Variants in RBFOX1 observed in about 807,000 individuals in gnomAD.
RBFOX1 encodes the protein RNA binding fox-1 homolog 1.
In RBFOX1, 8 loss-of-function variants were observed where a neutral mutation model predicts 57.7. The ratio of observed to expected loss-of-function variants is 0.14; its 90% CI spans 0.08 to 0.25. The LOEUF (loss-of-function observed/expected upper bound fraction) is 0.25. Ranked by LOEUF, RBFOX1 falls within the 10% of genes least tolerant of loss-of-function variation. The pLI is 1.00. For synonymous variants in RBFOX1, 326 were observed against 222.4 expected (o/e 1.47, Z -4.15); for missense variants, 611 against 548.5 (o/e 1.11, Z -1.14).
At chr16:7,105,193 C>G (rs1302534971) in intron 4 of RBFOX1, among the ~76,000 whole-genome samples, 1 of 151,926 alleles carries the variant, frequency 6.6e-6, no homozygotes, top group Admixed American at 6.6e-5. Context: ...GTCACATTGG[C>G]TTGGCAGTAG....
intron 3 of RBFOX1, among the ~76,000 whole-genome samples, chr16:6,904,128 C>A (rs180841263): frequency 1.3e-5 from 2 of 152,160 alleles, no homozygotes; most frequent in Non-Finnish European, 2.9e-5. Flanking sequence ...TAGTGCAGTT[C>A]GTTCTCAGAT....
chr16:6,425,089 C>T (rs1020882843), intron 2 of RBFOX1, among the ~76,000 whole-genome samples: 4 of 152,106 alleles, frequency 2.6e-5, no homozygotes, highest in Non-Finnish European at 5.9e-5. Flanking sequence ...ATTTATTTGA[C>T]TTTAATAATA....
At chr16:7,020,738 G>T (rs980704440) in intron 3 of RBFOX1, among the ~76,000 whole-genome samples, 1 of 152,076 alleles carries the variant, frequency 6.6e-6, no homozygotes, top group African/African-American at 2.4e-5. Flanking sequence ...CCTTCCCTCT[G>T]AGAACCATGA....
Position 6,451,967 on chromosome 16 carries a change from CT to C in RBFOX1, c.-64+134912del, listed in dbSNP as rs576942413. On this transcript the variant is annotated intron_variant, in intron 2 of 15. Coordinates refer to ENST00000550418, the MANE Select transcript of RBFOX1 (RefSeq NM_018723.4). ...TCCCATGAGTCCACCCATGGCTCTC[CT>C]TCCTTCCATGACTCTATCCATGGTT... Among the ~76,000 whole-genome samples the C allele has an allele frequency of 6.8e-3, 1,023 of 149,446 alleles. 7 individuals are homozygous for C. Among genetic ancestry groups the C allele is most frequent in the Non-Finnish European group, 0.011 (718 of 67,274 alleles).
intron 3 of RBFOX1, among the ~76,000 whole-genome samples, chr16:6,760,866 A>G (rs1247077121): frequency 1.3e-5 from 2 of 152,130 alleles, no homozygotes; most frequent in African/African-American, 2.4e-5. Context: ...CCTCTGGTCA[A>G]TGCCACCCAC....
In RBFOX1 at chr16:7,181,240, C is replaced by G. The variant is rs186617249; in HGVS notation, c.27+129142C>G. Among the ~76,000 whole-genome samples, 400 of 152,122 alleles carry G rather than the reference C, an allele frequency of 2.6e-3. 3 individuals carry two copies. The highest frequency in any genetic ancestry group is 6.8e-3 in the Middle Eastern group (2 of 294). On this transcript the variant is annotated intron_variant, in intron 4 of 15. Transcript: ENST00000550418. ...GTTAAATAGGGAAACTGCTATGCCC[C>G]GATGAGCATGGTCATGAGAACTGAA... is the stretch of plus-strand genomic sequence containing the variant.
chr16:5,850,157 T>A (rs1296541500), intron 3 of RBFOX1, among the ~76,000 whole-genome samples: 1 of 152,136 alleles, frequency 6.6e-6, no homozygotes, highest in East Asian at 1.9e-4. Flanking sequence ...AACTTCCAAT[T>A]AACTGGTTAA....
chr16:7,340,961 G>A (rs1178479126), intron 4 of RBFOX1, among the ~76,000 whole-genome samples: 1 of 152,168 alleles, frequency 6.6e-6, no homozygotes, highest in Non-Finnish European at 1.5e-5. Flanking sequence ...GGCAGGGAGG[G>A]TTGGAAGACC....
At chr16:7,252,848 C>G (rs993657038) in intron 4 of RBFOX1, among the ~76,000 whole-genome samples, 15 of 152,074 alleles carry the variant, frequency 9.9e-5, no homozygotes, top group Admixed American at 7.2e-4. Flanking sequence ...AAATTCAGAC[C>G]AAGTGATCTT....
chr16:6,611,937 G>T lies in RBFOX1; in HGVS notation c.-63-42666G>T, dbSNP rs529807585. Among the ~76,000 whole-genome samples, 228 of 152,212 alleles carry T rather than the reference G, an allele frequency of 1.5e-3. 1 individual carries two copies. Among genetic ancestry groups the T allele is most frequent in the African/African-American group, 5.2e-3 (216 of 41,546 alleles). On this transcript the variant is annotated intron_variant, in intron 2 of 15. Transcript: ENST00000550418. ...GGTTGCAAGGGTTTTGGTAGCTTCT[G>T]CAGTCACCTCTTCCTCAATTCTGTT...
At chr16:5,565,252 A>T (rs1016807026) in intron 2 of RBFOX1, among the ~76,000 whole-genome samples, 58 of 151,598 alleles carry the variant, frequency 3.8e-4, no homozygotes, top group Admixed American at 4.6e-4. Context: ...TCAGAAGGAA[A>T]ACTGGTGTGT....
At chr16:6,973,570 C>G (rs957022797) in intron 3 of RBFOX1, among the ~76,000 whole-genome samples, 2 of 152,130 alleles carry the variant, frequency 1.3e-5, no homozygotes, top group African/African-American at 4.8e-5. Context: ...TTATTTCTTT[C>G]TTCCCGAGGG....
chr16:7,161,752 T>A (rs2078370433), intron 4 of RBFOX1, among the ~76,000 whole-genome samples: 1 of 152,178 alleles, frequency 6.6e-6, no homozygotes, highest in Non-Finnish European at 1.5e-5. Flanking sequence ...TTCTAGAATC[T>A]TGCAAGAATA....
chr16:5,945,743 T>C (rs2059388695), intron 4 of RBFOX1, among the ~76,000 whole-genome samples: 1 of 152,222 alleles, frequency 6.6e-6, no homozygotes, highest in African/African-American at 2.4e-5. Context: ...TCACCACCCC[T>C]GACTTTGCCA....
chr16:6,870,016 C>G (rs966421054), intron 3 of RBFOX1, among the ~76,000 whole-genome samples: 3 of 152,120 alleles, frequency 2.0e-5, no homozygotes, highest in Admixed American at 6.5e-5. Flanking sequence ...GCTGTGAGAT[C>G]TATGCATATC....
chr16:6,619,633 G>A (rs2098196921), intron 2 of RBFOX1, among the ~76,000 whole-genome samples: 1 of 148,818 alleles, frequency 6.7e-6, no homozygotes, highest in South Asian at 2.1e-4. Flanking sequence ...GCGTAAACCT[G>A]TGCCCCTGAG....
intron 3 of RBFOX1, among the ~76,000 whole-genome samples, chr16:6,797,398 G>A (rs902024694): frequency 6.6e-6 from 1 of 152,112 alleles, no homozygotes; most frequent in Non-Finnish European, 1.5e-5. Context: ...AAGAGAGAGC[G>A]AGAGAAAGGG....
At chr16:7,285,252 C>G (rs901293702) in intron 4 of RBFOX1, among the ~76,000 whole-genome samples, 1 of 151,822 alleles carries the variant, frequency 6.6e-6, no homozygotes, top group African/African-American at 2.4e-5. Flanking sequence ...TTCCAATGTA[C>G]CCTTTACACA....
intron 4 of RBFOX1, among the ~76,000 whole-genome samples, chr16:5,914,763 C>T (rs1245094892): frequency 6.6e-6 from 1 of 152,116 alleles, no homozygotes; most frequent in Non-Finnish European, 1.5e-5. Context: ...GGCATGGTGG[C>T]AGGCGCCTGT....
Sources: gnomAD v4.1 joint callset for allele counts (sites outside exome capture counted in the v4.1 genomes callset) on GRCh38, gnomAD v4.1.1 for gene constraint, MANE v1.5 for transcripts, NCBI Gene and HGNC (gene_info 2026-07-23, HGNC 2026-07-21) for gene names.